The following ANKS1B variants were observed in gnomAD, a reference collection of about 807,000 sequenced individuals.
ANKS1B encodes the protein ankyrin repeat and sterile alpha motif domain containing 1B, also known as ankyrin repeat and sterile alpha motif domain-containing protein 1B.
ANKS1B carries 36 observed loss-of-function variants against 148.3 expected under a neutral mutation model. That is an observed-to-expected ratio of 0.24 (90% confidence interval 0.19 to 0.32). The LOEUF (loss-of-function observed/expected upper bound fraction) is 0.32, where lower values mean the gene tolerates loss of function less well. Ranked by LOEUF, ANKS1B falls within the 10% of genes least tolerant of loss-of-function variation. The pLI is 1.00. For synonymous variants in ANKS1B, 542 were observed against 560.8 expected, an observed-to-expected ratio of 0.97 and a Z score of 0.47; for missense variants, 1,157 against 1,542.6, an observed-to-expected ratio of 0.75 and a Z score of 4.19.
intron 9 of ANKS1B, among the ~76,000 whole-genome samples, chr12:98,736,094 G>A (rs113938634): frequency 0.017 from 2,618 of 152,282 alleles, 31 homozygotes; most frequent in South Asian, 0.052. Context: ...GGGTAGCACC[G>A]GAGGCTGCCT....
chr12:99,827,760 T>A (rs73374318), intron 1 of ANKS1B, among the ~76,000 whole-genome samples: 213 of 152,320 alleles, frequency 1.4e-3, no homozygotes, highest in African/African-American at 4.9e-3. Context: ...GACAAGGATG[T>A]AGATCAACCA....
chr12:99,855,182 ATAAACT>A (rs1247840751), intron 1 of ANKS1B, among the ~76,000 whole-genome samples: 2 of 152,192 alleles, frequency 1.3e-5, no homozygotes, highest in African/African-American at 4.8e-5. Context: ...AAGGACTCAC[ATAAACT>A]TAAGGTGAAG....
At chr12:99,949,973 T>C (rs1027082160) in intron 1 of ANKS1B, among the ~76,000 whole-genome samples, 15 of 152,270 alleles carry the variant, frequency 9.9e-5, no homozygotes, top group African/African-American at 3.6e-4. Flanking sequence ...GTTTGTTTGT[T>C]TGTTTGTGAC....
intron 12 of ANKS1B, among the ~76,000 whole-genome samples, chr12:99,264,665 A>G (rs139042807): frequency 4.6e-5 from 7 of 152,182 alleles, no homozygotes; most frequent in Admixed American, 4.6e-4. Flanking sequence ...TTCTCTTTTG[A>G]GGTATCATTT....
At chr12:99,261,668 T>C (rs1442058427) in intron 12 of ANKS1B, among the ~76,000 whole-genome samples, 1 of 152,158 alleles carries the variant, frequency 6.6e-6, no homozygotes, top group African/African-American at 2.4e-5. Context: ...GCAACCTGCC[T>C]ATGCCTCACT....
In ANKS1B at chr12:98,801,239, G is replaced by T; in HGVS notation, c.3142-114C>A. ...GCTGTGAATGTACCAAAATGCATTT[G>T]GGTGTCTTATGTGAATATAAATACT... On this transcript the variant is annotated intron_variant, in intron 20 of 26. Coordinates refer to ENST00000683438, the MANE Select transcript of ANKS1B (RefSeq NM_001352186.2). This position sits in a 1 kb window ranked among gnomAD's most constrained non-coding sequence, Gnocchi z 5.2. 3.0e-6 allele frequency: 3 copies of T among 989,680 alleles called. No homozygotes were observed. Among genetic ancestry groups the T allele is most frequent in the African/African-American group, 1.6e-5 (1 of 61,716 alleles). The allele number at this position is 989,680 out of a possible 1,614,324, so 61.3% of individuals were successfully genotyped here.
Position 99,804,882 on chromosome 12 carries a change from G to A in ANKS1B, c.669+1522C>T, listed in dbSNP as rs2067393131. The stretch of plus-strand genomic sequence containing the variant: ...TGTTCTCTCTCTCAGAACCATGCAT[G>A]CCATGTGAGTAAGCCCAGGCTGACC... On this transcript the variant is annotated intron_variant, in intron 4 of 26. Coordinates refer to ENST00000683438, the MANE Select transcript of ANKS1B (RefSeq NM_001352186.2). Among the ~76,000 whole-genome samples the A allele has an allele frequency of 3.9e-5, 6 of 152,156 alleles. No homozygotes were observed. The South Asian group carries it at 1.2e-3, about 32-fold the overall frequency.
intron 17 of ANKS1B, among the ~76,000 whole-genome samples, chr12:98,984,482 AG>A (rs1439432822): frequency 6.6e-6 from 1 of 152,204 alleles, no homozygotes; most frequent in Non-Finnish European, 1.5e-5. Context: ...AGGAGAAATC[AG>A]GCTGTAGCTT....
At chr12:99,665,699 G>A (rs1250766699) in intron 8 of ANKS1B, among the ~76,000 whole-genome samples, 1 of 152,068 alleles carries the variant, frequency 6.6e-6, no homozygotes, top group Non-Finnish European at 1.5e-5. Context: ...TGTTAACCAG[G>A]ATGGTCTCGA....
At chr12:99,961,659 G>A (rs1014961507) in intron 1 of ANKS1B, among the ~76,000 whole-genome samples, 1 of 152,118 alleles carries the variant, frequency 6.6e-6, no homozygotes, top group African/African-American at 2.4e-5. Context: ...ATTAAACATG[G>A]ATCTTGTACC....
At chr12:99,842,303 G>T (rs928054664) in intron 1 of ANKS1B, among the ~76,000 whole-genome samples, 4 of 152,150 alleles carry the variant, frequency 2.6e-5, no homozygotes, top group South Asian at 2.1e-4. Flanking sequence ...AGTCAGAAAA[G>T]AATTCTTCAA....
intron 15 of ANKS1B, among the ~76,000 whole-genome samples, chr12:99,129,555 G>C (rs1016968280): frequency 2.6e-5 from 4 of 152,176 alleles, no homozygotes; most frequent in Non-Finnish European, 5.9e-5. Flanking sequence ...TGTAGGCCAA[G>C]GCTCAGTCTT....
At position 98,745,811 on chromosome 12, in the gene ANKS1B, T is replaced by C; in HGVS notation, c.3786A>G (p.Leu1262=). The change falls in exon 27 of 27, where the codon CTA becomes CTG. Residue 1262 remains leucine (L), a synonymous_variant. Coordinates refer to ENST00000683438, the MANE Select transcript of ANKS1B (RefSeq NM_001352186.2). ...DPSEQKTLAN[L]PWIVEPGQEA... is the part of the protein sequence containing the mutation. The stretch of plus-strand genomic sequence containing the variant: ...CTTGGCCCGGCTCCACAATCCACGG[T>C]AGATTGGCCAGAGTCTTTTGCTCAG... 1 of 1,613,596 alleles carries C rather than the reference T, an allele frequency of 6.2e-7. No individual in the cohort carries two copies. Among genetic ancestry groups the C allele is most frequent in the Non-Finnish European group, 8.5e-7 (1 of 1,179,722 alleles).
chr12:99,181,506 A>G (rs1366099232), intron 14 of ANKS1B, among the ~76,000 whole-genome samples: 1 of 152,232 alleles, frequency 6.6e-6, no homozygotes, highest in Non-Finnish European at 1.5e-5. Flanking sequence ...TAAATGTATA[A>G]GAACAAAAAC....
At chr12:98,841,404 C>T (rs1006903875) in intron 17 of ANKS1B, among the ~76,000 whole-genome samples, 1 of 152,112 alleles carries the variant, frequency 6.6e-6, no homozygotes, top group Non-Finnish European at 1.5e-5. Context: ...TGCTGCTCTG[C>T]CCCTCTTCTT....
chr12:99,295,669 C>T (rs748021158), intron 12 of ANKS1B, among the ~76,000 whole-genome samples: 5 of 152,024 alleles, frequency 3.3e-5, no homozygotes, highest in East Asian at 1.9e-4. Flanking sequence ...GGTATACTTG[C>T]GTCATGGGGG....
chr12:99,503,582 C>A (rs925356029), intron 10 of ANKS1B, among the ~76,000 whole-genome samples: 2 of 152,088 alleles, frequency 1.3e-5, no homozygotes, highest in Non-Finnish European at 2.9e-5. Context: ...CACCTGCTTT[C>A]TTCTTATGTT....
At chr12:99,653,561 C>T (rs1033631502) in intron 9 of ANKS1B, among the ~76,000 whole-genome samples, 6 of 151,998 alleles carry the variant, frequency 3.9e-5, no homozygotes, top group African/African-American at 1.4e-4. Flanking sequence ...AGAATATACA[C>T]ATTTGTTCAC....
At chr12:98,876,166 A>G (rs1329306968) in intron 17 of ANKS1B, among the ~76,000 whole-genome samples, 2 of 152,170 alleles carry the variant, frequency 1.3e-5, no homozygotes, top group African/African-American at 4.8e-5. Context: ...CTGATGTCTA[A>G]CAGCCTCATG....
Sources: allele counts gnomAD v4.1 joint callset (sites outside exome capture counted in the v4.1 genomes callset), GRCh38; gene constraint gnomAD v4.1.1; non-coding constraint Gnocchi (gnomAD v3.1); transcripts MANE v1.5; gene names NCBI Gene and HGNC (gene_info 2026-07-23, HGNC 2026-07-21).